RBFOX1: variants seen among roughly 807,000 people sequenced by gnomAD.
RBFOX1 encodes the protein RNA binding protein fox-1 homolog 1.
RBFOX1 carries 8 observed loss-of-function variants against 57.7 expected under a neutral mutation model. The ratio of observed to expected loss-of-function variants is 0.14; its 90% CI spans 0.08 to 0.25. RBFOX1 has a LOEUF of 0.25. Ranked by LOEUF, RBFOX1 falls within the 10% of genes least tolerant of loss-of-function variation. RBFOX1 has a pLI of 1.00. For synonymous variants in RBFOX1, 326 were observed against 222.4 expected, an observed-to-expected ratio of 1.47 and a Z score of -4.15; for missense variants, 611 against 548.5, an observed-to-expected ratio of 1.11 and a Z score of -1.14.
intron 2 of RBFOX1, among the ~76,000 whole-genome samples, chr16:6,410,111 A>C (rs2093409537): frequency 6.6e-6 from 1 of 151,732 alleles, no homozygotes; most frequent in South Asian, 2.1e-4. Context: ...TGGGATCACA[A>C]AATTGGCAAC....
chr16:7,335,222 G>C (rs1178323767), intron 4 of RBFOX1, among the ~76,000 whole-genome samples: 4 of 152,206 alleles, frequency 2.6e-5, no homozygotes, highest in Admixed American at 2.0e-4. Flanking sequence ...CATTGCTGCA[G>C]ACTCCACTTG....
intron 4 of RBFOX1, among the ~76,000 whole-genome samples, chr16:7,069,593 G>C (rs372002135): frequency 2.0e-5 from 3 of 152,088 alleles, no homozygotes; most frequent in Non-Finnish European, 4.4e-5. Flanking sequence ...TTCCTTTCAC[G>C]GCCTGGGTAA....
chr16:5,555,965 G>A (rs531852909), intron 2 of RBFOX1, among the ~76,000 whole-genome samples: 14 of 152,216 alleles, frequency 9.2e-5, no homozygotes, highest in South Asian at 4.2e-4. Context: ...AGGTTGCAGC[G>A]AGCTGAGGTC....
chr16:5,954,631 C>G (rs553511473), intron 4 of RBFOX1, among the ~76,000 whole-genome samples: 2 of 152,234 alleles, frequency 1.3e-5, no homozygotes, highest in Non-Finnish European at 2.9e-5. Flanking sequence ...GCTCTGGAAA[C>G]TGTAATGAGG....
chr16:5,387,218 C>T (rs893847992), intron 1 of RBFOX1, among the ~76,000 whole-genome samples: 2 of 152,052 alleles, frequency 1.3e-5, no homozygotes, highest in East Asian at 1.9e-4. Flanking sequence ...TCTTGGTATA[C>T]GCATGTTGAG....
rs76313733 is a variant in RBFOX1 at position 7,042,251 on chromosome 16, C to T, written c.-15-9806C>T. ...GTCAGGGCACAGTAGCTAATGAGCA[C>T]CTGCTAAGGACAAGTGAGGCGCAGA... is the stretch of plus-strand genomic sequence containing the variant. On this transcript the variant is annotated intron_variant, in intron 3 of 15. Coordinates refer to ENST00000550418, the MANE Select transcript of RBFOX1 (RefSeq NM_018723.4). 2.1e-3 allele frequency among the ~76,000 whole-genome samples: 327 copies of T among 152,230 alleles called. 3 individuals are homozygous for T. Among genetic ancestry groups the T allele is most frequent in the African/African-American group, 7.4e-3 (306 of 41,530 alleles).
intron 2 of RBFOX1, among the ~76,000 whole-genome samples, chr16:6,411,354 C>A (rs993582996): frequency 1.3e-5 from 2 of 152,128 alleles, no homozygotes; most frequent in African/African-American, 4.8e-5. Context: ...ATAGCTTGAT[C>A]AAAATGGCAA....
chr16:6,623,025 G>C (rs891188620), intron 2 of RBFOX1, among the ~76,000 whole-genome samples: 3 of 152,148 alleles, frequency 2.0e-5, no homozygotes, highest in Non-Finnish European at 4.4e-5. Flanking sequence ...CTTTTACAAA[G>C]CCTCTTTGGC....
At chr16:6,523,110 T>C (rs1483811289) in intron 2 of RBFOX1, among the ~76,000 whole-genome samples, 2 of 152,348 alleles carry the variant, frequency 1.3e-5, no homozygotes, top group East Asian at 1.9e-4. Context: ...TTTGTTTGAA[T>C]TGTTCAATTG....
At chr16:5,757,356 C>T (rs576784436) in intron 3 of RBFOX1, among the ~76,000 whole-genome samples, 57 of 151,954 alleles carry the variant, frequency 3.8e-4, no homozygotes, top group Non-Finnish European at 5.3e-4. Context: ...CTCAGCCTCC[C>T]GAGTAGCTGG....
chr16:6,936,316 G>T (rs1286179247), intron 3 of RBFOX1, among the ~76,000 whole-genome samples: 1 of 152,182 alleles, frequency 6.6e-6, no homozygotes, highest in Non-Finnish European at 1.5e-5. Flanking sequence ...GGAAATGCAA[G>T]ATATTTGTTT....
chr16:7,249,041 A>G (rs2094416674), intron 4 of RBFOX1, among the ~76,000 whole-genome samples: 1 of 152,094 alleles, frequency 6.6e-6, no homozygotes, highest in Non-Finnish European at 1.5e-5. Context: ...TGCTCTGCAT[A>G]ATAGAGGGAG....
At chr16:5,907,800 G>T (rs1260353263) in intron 4 of RBFOX1, among the ~76,000 whole-genome samples, 2 of 151,682 alleles carry the variant, frequency 1.3e-5, no homozygotes, top group African/African-American at 4.9e-5. Flanking sequence ...GCCCAGGCTG[G>T]AGTGTAGTGG....
chr16:6,252,139 G>A (rs1364823256), intron 1 of RBFOX1, among the ~76,000 whole-genome samples: 10 of 152,084 alleles, frequency 6.6e-5, no homozygotes, highest in Admixed American at 6.6e-4. Context: ...ACATGGGGAA[G>A]AGAATGTTTT....
chr16:7,709,033 C>T (rs779548074), intron 14 of RBFOX1, 23 bp from the exon 15 acceptor site: 2 of 1,593,940 alleles, frequency 1.3e-6, no homozygotes, highest in African/African-American at 1.3e-5. Context: ...GTGGATCAAT[C>T]TTCACCTCTA....
At chr16:7,568,590 A>T (rs925732643) in intron 5 of RBFOX1, among the ~76,000 whole-genome samples, 2 of 152,026 alleles carry the variant, frequency 1.3e-5, no homozygotes, top group East Asian at 3.9e-4. Context: ...CCTGTGACTT[A>T]GATTGCCTTA....
Position 6,639,151 on chromosome 16 carries a change from T to A in RBFOX1, c.-63-15452T>A, listed in dbSNP as rs1019313862. ...CAATAGGATGCATAAGAATGATAAA[T>A]TTTTTTCAAATCATGTGCGCTAGCT... On this transcript the variant is annotated intron_variant, in intron 2 of 15. Transcript: ENST00000550418. 2.6e-5 allele frequency among the ~76,000 whole-genome samples: 4 copies of A among 152,138 alleles called. No homozygotes were observed. In the South Asian group the frequency reaches 6.2e-4, roughly 24 times the overall value.
chr16:7,113,175 A>G (rs916170437), intron 4 of RBFOX1, among the ~76,000 whole-genome samples: 4 of 152,214 alleles, frequency 2.6e-5, no homozygotes, highest in African/African-American at 9.6e-5. Context: ...ATAAATACAC[A>G]GATACATAAA....
At chr16:6,149,116 G>A (rs1374929213) in intron 1 of RBFOX1, among the ~76,000 whole-genome samples, 2 of 152,234 alleles carry the variant, frequency 1.3e-5, no homozygotes, top group African/African-American at 4.8e-5. Flanking sequence ...CAGTTCTAAA[G>A]GGCATGAAGT....
Sources: allele counts gnomAD v4.1 joint callset (sites outside exome capture counted in the v4.1 genomes callset), GRCh38; gene constraint gnomAD v4.1.1; transcripts MANE v1.5; gene names NCBI Gene and HGNC (gene_info 2026-07-23, HGNC 2026-07-21).